Variants in SHE observed in about 807,000 individuals in gnomAD.
SHE encodes Src homology 2 domain containing E.
A neutral mutation model predicts 49.8 loss-of-function variants in SHE; 11 were observed. The ratio of observed to expected loss-of-function variants is 0.22; its 90% CI spans 0.14 to 0.37. SHE has a LOEUF of 0.37. Among genes scored for constraint, SHE ranks in the 10% least tolerant of loss-of-function variants. SHE has a pLI of 1.00. For missense variants in SHE, 624 were observed against 655.5 expected (o/e 0.95, Z 0.52); for synonymous variants, 310 against 278.1 (o/e 1.11, Z -1.14).
At chr1:154,476,009 T>C (rs1325696206), downstream of SHE, among the ~76,000 whole-genome samples, 2 of 152,212 alleles carry the variant, frequency 1.3e-5, no homozygotes, top group Non-Finnish European at 2.9e-5. Context: ...TTTTAAAACG[T>C]GCAAGGGTTT....
At position 154,480,491 on chromosome 1, in the gene SHE, T is replaced by G. The variant is rs1411766163; in HGVS notation, c.*3658A>C. Reference sequence around the variant, plus strand: ...TAGTAACAGAGTTACATAATCCAATTAACAAATTAGGACAATTTCCCACCA... The same window carrying G: ...TAGTAACAGAGTTACATAATCCAATGAACAAATTAGGACAATTTCCCACCA... On this transcript the variant is annotated 3_prime_UTR_variant, in exon 6 of 6. Coordinates refer to ENST00000304760, the MANE Select transcript of SHE (RefSeq NM_001010846.3). 3.0e-6 allele frequency: 3 copies of G among 985,300 alleles called. No homozygotes were observed. Among genetic ancestry groups the G allele is most frequent in the Admixed American group, 6.2e-5 (1 of 16,260 alleles). 61.0% of individuals were successfully genotyped at this position (985,300 alleles called of 1,614,324 possible).
At chr1:154,470,793 T>C (rs139460294) in intron 1 of SHE, among the ~76,000 whole-genome samples, 1,831 of 152,142 alleles carry the variant, frequency 0.012, 14 homozygotes, top group Non-Finnish European at 0.017. Flanking sequence ...TGAGATGAGA[T>C]CGTGCCATTG....
At position 154,480,833 on chromosome 1, in the gene SHE, T is replaced by C. The variant is rs1156722108; in HGVS notation, c.*3316A>G. The C allele has an allele frequency of 2.0e-6, 2 of 985,244 alleles. No homozygotes were observed. Among genetic ancestry groups the C allele is most frequent in the African/African-American group, 3.5e-5 (2 of 57,216 alleles). 61.0% of individuals were successfully genotyped at this position (985,244 alleles called of 1,614,324 possible). On this transcript the variant is annotated 3_prime_UTR_variant, in exon 6 of 6. Coordinates refer to ENST00000304760, the MANE Select transcript of SHE (RefSeq NM_001010846.3). ...CTGAGATACAACTATGGTATCAAAG[T>C]AAATAGCAAGGTCCTTTACTCTCTC... is the stretch of plus-strand genomic sequence containing the variant.
intron 3 of SHE, among the ~76,000 whole-genome samples, chr1:154,487,890 C>T (rs997259391): frequency 4.7e-5 from 7 of 149,528 alleles, no homozygotes; most frequent in Admixed American, 3.3e-4. Context: ...GACTCAAATG[C>T]TTGCCATCAA....
At position 154,480,233 on chromosome 1, in the gene SHE, G is replaced by A. The variant is rs1691983506; in HGVS notation, c.*3916C>T. ...AACTAGTGAACGAGAGATCTGTGAA[G>A]GGTTTCAGTGCAATCCTGCTGAGTG... is the stretch of plus-strand genomic sequence containing the variant. On this transcript the variant is annotated 3_prime_UTR_variant, in exon 6 of 6. Coordinates refer to ENST00000304760, the MANE Select transcript of SHE (RefSeq NM_001010846.3). 3.0e-6 allele frequency: 3 copies of A among 985,450 alleles called. No homozygotes were observed. Among genetic ancestry groups the A allele is most frequent in the Non-Finnish European group, 3.6e-6 (3 of 829,948 alleles). The allele number at this position is 985,450 out of a possible 1,614,324, so 61.0% of individuals were successfully genotyped here.
rs984379828 is a variant in SHE at position 154,479,612 on chromosome 1, C to T, written c.*4537G>A. 4 of 964,934 alleles carry T rather than the reference C, an allele frequency of 4.1e-6. No homozygotes were observed. Among genetic ancestry groups the T allele is most frequent in the South Asian group, 4.8e-5 (1 of 20,852 alleles). 59.8% of individuals were successfully genotyped at this position (964,934 alleles called of 1,614,324 possible). ...ATATTTCTGATTTAAATTACTAAGG[C>T]ACTATAGATAGACACCTATATTACA... On this transcript the variant is annotated 3_prime_UTR_variant, in exon 6 of 6. Coordinates refer to ENST00000304760, the MANE Select transcript of SHE (RefSeq NM_001010846.3).
At chr1:154,500,209 A>G (rs550566025) in intron 1 of SHE, among the ~76,000 whole-genome samples, 1 of 152,324 alleles carries the variant, frequency 6.6e-6, no homozygotes, top group East Asian at 1.9e-4. Context: ...TGCGACTGCC[A>G]TTCACTTAAT....
chr1:154,478,041 C>A (rs1355921902), downstream of SHE, among the ~76,000 whole-genome samples: 1 of 152,086 alleles, frequency 6.6e-6, no homozygotes, highest in Non-Finnish European at 1.5e-5. Flanking sequence ...TGGAATCATA[C>A]AGTATTTGTC....
chr1:154,501,343 A>G lies in SHE; in HGVS notation c.591+93T>C, dbSNP rs537602616. The G allele has an allele frequency of 2.0e-5, 24 of 1,179,646 alleles. 1 individual carries two copies. In the African/African-American group the frequency reaches 3.5e-4, roughly 17 times the overall value. 73.1% of individuals were successfully genotyped at this position (1,179,646 alleles called of 1,614,324 possible). ...AAAGGACCTTAGGAAACCTATCCTC[A>G]CTGCCTCTTAGGTCTAAAGAAGCCT... On this transcript the variant is annotated intron_variant, in intron 1 of 5. Coordinates refer to ENST00000304760, the MANE Select transcript of SHE (RefSeq NM_001010846.3).
In SHE at chr1:154,501,703, C is replaced by A. The variant is rs1054686983; in HGVS notation, c.324G>T (p.Leu108=). ...CCGCGGCGGCCTGAATCAGACCCTG[C>A]AGGCTGTCGCGGGACAGCCGGCTGT... ...PKDSRLSRDS[L]QGLIQAAAGK... Residue 108 remains leucine (L), a synonymous_variant, in exon 1 of 6, where the codon CTG becomes CTT. Coordinates refer to ENST00000304760, the MANE Select transcript of SHE (RefSeq NM_001010846.3). 6.2e-7 allele frequency: 1 copy of A among 1,609,766 alleles called. No homozygotes were observed. Among genetic ancestry groups the A allele is most frequent in the East Asian group, 2.2e-5 (1 of 44,736 alleles).
intron 5 of SHE, chr1:154,485,335 G>C (rs1233854049): frequency 6.6e-6 from 1 of 152,474 alleles, no homozygotes; most frequent in Non-Finnish European, 1.5e-5. Context: ...TCCTCAGGAA[G>C]GAAATGCTGT....
intron 1 of SHE, among the ~76,000 whole-genome samples, chr1:154,499,581 G>C (rs1444098832): frequency 6.6e-6 from 1 of 152,066 alleles, no homozygotes; most frequent in South Asian, 2.1e-4. Context: ...AGCATAAAGG[G>C]TATGTGGCTT....
chr1:154,470,715 C>T (rs1424949269), intron 1 of SHE, among the ~76,000 whole-genome samples: 1 of 152,210 alleles, frequency 6.6e-6, no homozygotes, highest in Non-Finnish European at 1.5e-5. Context: ...TGGCGGGCAC[C>T]TGTAATCCCA....
chr1:154,476,520 A>C (rs1403404843), downstream of SHE, among the ~76,000 whole-genome samples: 1 of 151,982 alleles, frequency 6.6e-6, no homozygotes, highest in Non-Finnish European at 1.5e-5. Flanking sequence ...GTGGGCACCT[A>C]TAATCCCAGC....
chr1:154,502,266 G>A lies in SHE; in HGVS notation c.-240C>T. ...GAGGACACCGTGGCTCTCGGAGGCG[G>A]CGGGCGCCGGGGGCTTCCCCCTGCT... On this transcript the variant is annotated 5_prime_UTR_variant, in exon 1 of 6. Coordinates refer to ENST00000304760, the MANE Select transcript of SHE (RefSeq NM_001010846.3). 4.4e-6 allele frequency: 1 copy of A among 225,856 alleles called. No homozygotes were observed. The allele number at this position is 225,856 out of a possible 1,614,324, so 14.0% of individuals were successfully genotyped here. A position where few individuals can be genotyped will look rare whatever the true frequency, so the allele number is the denominator to read the frequency against.
rs936997884 is a variant in SHE, at chr1:154,480,742, T to C, written c.*3407A>G. The C allele has an allele frequency of 1.8e-5, 18 of 985,326 alleles. No individual in the cohort carries two copies. Among genetic ancestry groups the C allele is most frequent in the Non-Finnish European group, 2.2e-5 (18 of 829,936 alleles). 61.0% of individuals were successfully genotyped at this position (985,326 alleles called of 1,614,324 possible). ...CAATATTTACCTTTTTGTATACATATTAACACTTCTCCATTATTTTATTCC... is the reference window on the plus strand; with the variant it reads ...CAATATTTACCTTTTTGTATACATACTAACACTTCTCCATTATTTTATTCC... On this transcript the variant is annotated 3_prime_UTR_variant, in exon 6 of 6. Transcript: ENST00000304760.
chr1:154,498,081 C>A (rs114907832), intron 2 of SHE, among the ~76,000 whole-genome samples: 2,204 of 151,792 alleles, frequency 0.015, 45 homozygotes, highest in African/African-American at 0.05. Flanking sequence ...AGAATCACAT[C>A]ATGTTTGCAG....
rs1169932718 is a variant in SHE, at chr1:154,483,467, T to C, written c.*682A>G. 5 of 985,264 alleles carry C rather than the reference T, an allele frequency of 5.1e-6. No individual in the cohort carries two copies. The highest frequency in any genetic ancestry group is 6.0e-6 in the Non-Finnish European group (5 of 829,942). The allele number at this position is 985,264 out of a possible 1,614,324, so 61.0% of individuals were successfully genotyped here. A position where few individuals can be genotyped will look rare whatever the true frequency, so the allele number is the denominator to read the frequency against. ...CATCATGTGGAAAAGCCACGTGGATTTTTTGTTGGTTTGTTTAGAGACCAG... is the reference window on the plus strand; with the variant it reads ...CATCATGTGGAAAAGCCACGTGGATCTTTTGTTGGTTTGTTTAGAGACCAG... On this transcript the variant is annotated 3_prime_UTR_variant, in exon 6 of 6. Coordinates refer to ENST00000304760, the MANE Select transcript of SHE (RefSeq NM_001010846.3).
chr1:154,481,214 T>C lies in SHE; in HGVS notation c.*2935A>G, dbSNP rs909932051. 2.7e-5 allele frequency: 27 copies of C among 985,458 alleles called. No homozygotes were observed. In the Admixed American group the frequency reaches 1.1e-3, roughly 40 times the overall value. 61.0% of individuals were successfully genotyped at this position (985,458 alleles called of 1,614,324 possible). A position where few individuals can be genotyped will look rare whatever the true frequency, so the allele number is the denominator to read the frequency against. ...ATTGTTTTTAGAACATATGGAACTT[T>C]GTGCCACCACACAGCTGTGAACTCC... On this transcript the variant is annotated 3_prime_UTR_variant, in exon 6 of 6. Transcript: ENST00000304760.
Sources: gnomAD v4.1 joint callset for allele counts (sites outside exome capture counted in the v4.1 genomes callset) on GRCh38, gnomAD v4.1.1 for gene constraint, MANE v1.5 for transcripts, NCBI Gene and HGNC (gene_info 2026-07-23, HGNC 2026-07-21) for gene names.